The following HECW1 variants were observed in gnomAD, a reference collection of about 807,000 sequenced individuals.
The protein encoded by HECW1 is E3 ubiquitin-protein ligase HECW1.
In HECW1, 61 loss-of-function variants were observed where a neutral mutation model predicts 182.3. That is an observed-to-expected ratio of 0.33 (90% CI 0.27 to 0.41). The LOEUF (loss-of-function observed/expected upper bound fraction) is 0.41, where lower values mean the gene tolerates loss of function less well. Among genes scored for constraint, HECW1 ranks in the 10% least tolerant of loss-of-function variants. The pLI is 1.00. For synonymous variants in HECW1, 859 were observed against 832.6 expected, an observed-to-expected ratio of 1.03 and a Z score of -0.55; for missense variants, 1,739 against 2,108.9, an observed-to-expected ratio of 0.82 and a Z score of 3.44.
At chr7:43,517,208 C>T (rs1013748634) in intron 24 of HECW1, among the ~76,000 whole-genome samples, 1 of 152,168 alleles carries the variant, frequency 6.6e-6, no homozygotes, top group African/African-American at 2.4e-5. Flanking sequence ...TCTGTGAGCT[C>T]ATTTATGTCT....
Position 43,203,778 on chromosome 7 carries a change from G to A in HECW1, c.-31-40097G>A, listed in dbSNP as rs373024030. 2.0e-5 allele frequency among the ~76,000 whole-genome samples: 3 copies of A among 152,274 alleles called. No homozygotes were observed. In the South Asian group the frequency reaches 6.2e-4, roughly 32 times the overall value. ...GCCAAGCCACATCACTTTTTAATGG[G>A]TAATTGTGTATTGTCATCAGTAACA... is the stretch of plus-strand genomic sequence containing the variant. On this transcript the variant is annotated intron_variant, in intron 2 of 29. Transcript: ENST00000395891.
At chr7:43,458,037 A>G (rs1482455217) in intron 13 of HECW1, among the ~76,000 whole-genome samples, 1 of 152,216 alleles carries the variant, frequency 6.6e-6, no homozygotes, top group Non-Finnish European at 1.5e-5. Flanking sequence ...ACAGAGAGGA[A>G]GTCCTGATAA....
chr7:43,500,868 T>C, intron 20 of HECW1, 86 bp downstream of exon 20: 1 of 1,111,066 alleles, frequency 9.0e-7, no homozygotes, highest in Non-Finnish European at 1.4e-6. Context: ...TGGCCTAGAC[T>C]GAAAAACTCA....
intron 17 of HECW1, among the ~76,000 whole-genome samples, chr7:43,491,423 T>C (rs527243301): frequency 2.0e-5 from 3 of 152,314 alleles, no homozygotes; most frequent in Middle Eastern, 3.4e-3. Flanking sequence ...ATCAATACTA[T>C]TTAAACAAGA....
intron 3 of HECW1, chr7:43,249,316 C>G (rs771313757): frequency 1.3e-5 from 2 of 152,548 alleles, no homozygotes; most frequent in Non-Finnish European, 2.9e-5. Flanking sequence ...CGCAGCACCC[C>G]TGAAGGACCA....
In HECW1 at chr7:43,378,451, C is replaced by G. The variant is rs184555489; in HGVS notation, c.555+17471C>G. On this transcript the variant is annotated intron_variant, in intron 6 of 29. Coordinates refer to ENST00000395891, the MANE Select transcript of HECW1 (RefSeq NM_015052.5). Reference sequence around the variant, plus strand: ...TATGAGCGGAGCTCTCTCAGATAACCTGCCTTAGAAAGATTCTGCATTGTC... The same window carrying G: ...TATGAGCGGAGCTCTCTCAGATAACGTGCCTTAGAAAGATTCTGCATTGTC... Among the ~76,000 whole-genome samples the G allele has an allele frequency of 5.3e-5, 8 of 152,330 alleles. No homozygotes were observed. The East Asian group carries it at 1.5e-3, about 29-fold the overall frequency.
At chr7:43,332,499 G>A (rs1345363562) in intron 5 of HECW1, among the ~76,000 whole-genome samples, 1 of 152,216 alleles carries the variant, frequency 6.6e-6, no homozygotes, top group African/African-American at 2.4e-5. Flanking sequence ...AAGAATATGG[G>A]GCAGACAAGG....
intron 24 of HECW1, among the ~76,000 whole-genome samples, chr7:43,518,097 G>T (rs1318701467): frequency 6.6e-6 from 1 of 152,188 alleles, no homozygotes; most frequent in Non-Finnish European, 1.5e-5. Context: ...TTATGCATAT[G>T]CTAGAACATA....
At chr7:43,207,621 A>T (rs1478477860) in intron 2 of HECW1, 2 of 151,922 alleles carry the variant, frequency 1.3e-5, no homozygotes, top group Non-Finnish European at 2.9e-5. Context: ...ACCTCTCCCT[A>T]TCCTTCCCTC....
intron 23 of HECW1, among the ~76,000 whole-genome samples, chr7:43,508,556 C>T (rs1193619667): frequency 6.6e-6 from 1 of 152,118 alleles, no homozygotes; most frequent in Non-Finnish European, 1.5e-5. Flanking sequence ...TCAAAATGAA[C>T]TTGGAAGCCT....
At chr7:43,157,025 C>T (rs971608919) in intron 2 of HECW1, among the ~76,000 whole-genome samples, 41 of 152,204 alleles carry the variant, frequency 2.7e-4, no homozygotes, top group Admixed American at 2.5e-3. Context: ...CCTGTCCTGA[C>T]TGACACATGT....
At chr7:43,221,903 A>C (rs1039859095) in intron 2 of HECW1, among the ~76,000 whole-genome samples, 2 of 152,222 alleles carry the variant, frequency 1.3e-5, no homozygotes, top group Non-Finnish European at 2.9e-5. Context: ...GCAATGCCAA[A>C]TGACTGTTGC....
rs2082217800 is a variant in HECW1 at position 43,561,848 on chromosome 7, A to G, written c.4743A>G (p.Pro1581=). 3 of 1,613,888 alleles carry G rather than the reference A, an allele frequency of 1.9e-6. No individual in the cohort carries two copies. The highest frequency in any genetic ancestry group is 2.2e-5 in the South Asian group (2 of 91,076). The change falls in exon 30 of 30, where the codon CCA becomes CCG. Residue 1581 remains proline (P), a synonymous_variant. Coordinates refer to ENST00000395891, the MANE Select transcript of HECW1 (RefSeq NM_015052.5). ...CATGCTTCAACCGACTGGATCTTCC[A>G]CCGTATCCCTCGTACTCCATGTTGT... ...AHTCFNRLDL[P]PYPSYSMLYE... is the part of the protein sequence containing the mutation.
intron 2 of HECW1, among the ~76,000 whole-genome samples, chr7:43,126,065 C>T (rs1381889911): frequency 1.6e-5 from 2 of 125,106 alleles, no homozygotes; most frequent in African/African-American, 5.9e-5. Flanking sequence ...AGTTTGTTCT[C>T]ACTTTTTTTT....
intron 3 of HECW1, among the ~76,000 whole-genome samples, chr7:43,287,048 T>C (rs1180931740): frequency 1.3e-5 from 2 of 150,616 alleles, no homozygotes; most frequent in Non-Finnish European, 3.0e-5. Context: ...TGGTTGGGGG[T>C]GGTGGGGAGG....
At chr7:43,375,940 C>A (rs1404672575) in intron 6 of HECW1, among the ~76,000 whole-genome samples, 1 of 148,120 alleles carries the variant, frequency 6.8e-6, no homozygotes, top group Non-Finnish European at 1.5e-5. Context: ...CAAGACTTGC[C>A]ATGGTAAAGA....
At chr7:43,537,576 C>T (rs1200583313) in intron 24 of HECW1, among the ~76,000 whole-genome samples, 2 of 152,204 alleles carry the variant, frequency 1.3e-5, no homozygotes, top group East Asian at 3.8e-4. Context: ...ATTGCACACA[C>T]AGCAATTCAT....
intron 2 of HECW1, among the ~76,000 whole-genome samples, chr7:43,211,415 C>T (rs950689082): frequency 2.6e-5 from 4 of 152,280 alleles, no homozygotes; most frequent in Admixed American, 6.5e-5. Context: ...TGTGAATGCT[C>T]CATGCGGGCA....
chr7:43,151,225 C>T (rs1382590080), intron 2 of HECW1, among the ~76,000 whole-genome samples: 1 of 152,094 alleles, frequency 6.6e-6, no homozygotes, highest in Non-Finnish European at 1.5e-5. Context: ...ACCTTTTCTT[C>T]CCCAGGTGAC....
Sources: gnomAD v4.1 joint callset for allele counts (sites outside exome capture counted in the v4.1 genomes callset) on GRCh38, gnomAD v4.1.1 for gene constraint, MANE v1.5 for transcripts, NCBI Gene and HGNC (gene_info 2026-07-23, HGNC 2026-07-21) for gene names.